The following SGCE variants were observed in gnomAD, a reference collection of about 807,000 sequenced individuals.
The protein encoded by SGCE is epsilon-sarcoglycan.
Under a neutral mutation model 57.8 loss-of-function variants are expected in SGCE, and 26 were observed. The ratio of observed to expected loss-of-function variants is 0.45; its 90% CI spans 0.33 to 0.62. The LOEUF (loss-of-function observed/expected upper bound fraction) is 0.62, where lower values mean the gene tolerates loss of function less well. SGCE is among the 20% of genes least tolerant of loss of function. SGCE has a pLI of 0.02. For synonymous variants in SGCE, 183 were observed against 189.5 expected (o/e 0.97, Z 0.28); for missense variants, 468 against 548.6 (o/e 0.85, Z 1.47).
intron 1 of SGCE, among the ~76,000 whole-genome samples, chr7:94,654,355 T>C (rs2117121711): frequency 6.6e-6 from 1 of 152,338 alleles, no homozygotes; most frequent in East Asian, 1.9e-4. Flanking sequence ...AAATCTCAAT[T>C]TTTAGAAAAA....
chr7:94,594,620 A>G (rs2116629800), intron 9 of SGCE: 1 of 152,258 alleles, frequency 6.6e-6, no homozygotes, highest in Admixed American at 6.5e-5. Context: ...GTAACAGTAA[A>G]GTACCGAAAC....
At chr7:94,614,107 C>CAAAAAAAAAAAAAAAAAAAAAAAAAAAA (rs925650428) in intron 5 of SGCE, among the ~76,000 whole-genome samples, 1 of 94,964 alleles carries the variant, frequency 1.1e-5, no homozygotes, top group Non-Finnish European at 2.0e-5. Context: ...AAATTGAAAT[C>CAAAAAAAAAAAAAAAAAAAAAAAAAAAA]AAAAAAAAAA....
chr7:94,643,049 G>A (rs1292753353), intron 1 of SGCE, among the ~76,000 whole-genome samples: 3 of 152,226 alleles, frequency 2.0e-5, no homozygotes, highest in Non-Finnish European at 4.4e-5. Flanking sequence ...TGGGGTGAGT[G>A]CCCAGGCAGC....
intron 3 of SGCE, chr7:94,625,348 A>G (rs1183319776): frequency 6.6e-6 from 1 of 152,046 alleles, no homozygotes; most frequent in Non-Finnish European, 1.5e-5. Flanking sequence ...TATGAAAGAT[A>G]TGGTAAACTT....
chr7:94,633,316 C>T (rs976616985), intron 1 of SGCE, among the ~76,000 whole-genome samples: 1 of 152,024 alleles, frequency 6.6e-6, no homozygotes, highest in Non-Finnish European at 1.5e-5. Context: ...GCAAGCATAG[C>T]TAGATTTACA....
At chr7:94,618,314 A>G (rs960590892) in intron 5 of SGCE, 2 of 164,406 alleles carry the variant, frequency 1.2e-5, no homozygotes, top group African/African-American at 4.8e-5. Flanking sequence ...TGTCACAGGA[A>G]TGGGTTTCAA....
chr7:94,597,850 T>C (rs1798630418), intron 9 of SGCE: 1 of 151,830 alleles, frequency 6.6e-6, no homozygotes, highest in Non-Finnish European at 1.5e-5. Flanking sequence ...CTACTAAAAA[T>C]ACAAAAATTA....
At chr7:94,619,328 G>A (rs770453322) in intron 4 of SGCE, 13 of 175,084 alleles carry the variant, frequency 7.4e-5, no homozygotes, top group Non-Finnish European at 1.6e-4. Context: ...TCAATTATAT[G>A]TCCAAAAGGA....
intron 1 of SGCE, among the ~76,000 whole-genome samples, chr7:94,648,712 C>T (rs1807466701): frequency 6.6e-6 from 1 of 152,108 alleles, no homozygotes; most frequent in Non-Finnish European, 1.5e-5. Flanking sequence ...AGAGAAAAGC[C>T]AATGTCATTT....
intron 1 of SGCE, chr7:94,644,624 A>G (rs1393119422): frequency 3.6e-5 from 46 of 1,284,748 alleles, no homozygotes; most frequent in East Asian, 5.6e-5. Flanking sequence ...CAAACTGTCA[A>G]GTCTTTCTCT....
chr7:94,586,914 CACTA>C lies in SGCE; in HGVS notation c.1298-1403_1298-1400del, dbSNP rs570295132. The C allele has an allele frequency of 1.7e-5, 17 of 984,232 alleles. No homozygotes were observed. In the South Asian group the frequency reaches 7.5e-4, roughly 44 times the overall value. 61.0% of individuals were successfully genotyped at this position (984,232 alleles called of 1,614,324 possible). A position where few individuals can be genotyped will look rare whatever the true frequency, so the allele number is the denominator to read the frequency against. Reference sequence around the variant, plus strand: ...TGGCACTTAAGATATTTTGGGGACTCACTAAATAAAACAATAACAACAAAACAAC... The same window carrying C: ...TGGCACTTAAGATATTTTGGGGACTCAATAAAACAATAACAACAAAACAAC... On this transcript the variant is annotated intron_variant, in intron 10 of 10. Transcript: ENST00000648936.
chr7:94,615,248 A>G (rs1454933357), intron 5 of SGCE, among the ~76,000 whole-genome samples: 5 of 152,126 alleles, frequency 3.3e-5, no homozygotes, highest in Non-Finnish European at 1.5e-5. Flanking sequence ...AATCTCAGCT[A>G]ATCAGGAGGT....
At chr7:94,651,227 T>C (rs1175551219) in intron 1 of SGCE, among the ~76,000 whole-genome samples, 1 of 152,224 alleles carries the variant, frequency 6.6e-6, no homozygotes, top group Non-Finnish European at 1.5e-5. Flanking sequence ...TTTTTTTGCT[T>C]TCAGCACAGC....
chr7:94,588,516 T>G, intron 10 of SGCE, 173 bp downstream of exon 10: 2 of 1,437,442 alleles, frequency 1.4e-6, no homozygotes, highest in Non-Finnish European at 1.8e-6. Flanking sequence ...CTGATGCCAA[T>G]CTATGTAATA....
chr7:94,650,664 A>C (rs1807755915), intron 1 of SGCE, among the ~76,000 whole-genome samples: 1 of 152,240 alleles, frequency 6.6e-6, no homozygotes, highest in Non-Finnish European at 1.5e-5. Flanking sequence ...CAAGGTCTTC[A>C]AGTTAAATAT....
intron 8 of SGCE, chr7:94,599,446 A>G: frequency 2.1e-6 from 1 of 486,518 alleles, no homozygotes; most frequent in Admixed American, 3.6e-5. Flanking sequence ...TATAAATGGT[A>G]AGTTAATATT....
intron 5 of SGCE, among the ~76,000 whole-genome samples, chr7:94,610,432 T>TG (rs945029277): frequency 1.3e-3 from 202 of 152,282 alleles, no homozygotes; most frequent in African/African-American, 4.5e-3. Context: ...ATGTTGATAA[T>TG]GGGGGAGGCG....
At chr7:94,594,137 C>A (rs1467346153) in intron 9 of SGCE, among the ~76,000 whole-genome samples, 2 of 151,970 alleles carry the variant, frequency 1.3e-5, no homozygotes, top group Non-Finnish European at 2.9e-5. Context: ...TTAGAAAGGG[C>A]AATCATTGAG....
intron 4 of SGCE, chr7:94,619,870 C>T (rs891541477): frequency 4.6e-5 from 7 of 152,074 alleles, no homozygotes; most frequent in Non-Finnish European, 1.0e-4. Flanking sequence ...CCTTGTACGA[C>T]TTTTATCTAT....
Sources: gnomAD v4.1 joint callset for allele counts (sites outside exome capture counted in the v4.1 genomes callset) on GRCh38, gnomAD v4.1.1 for gene constraint, MANE v1.5 for transcripts, NCBI Gene and HGNC (gene_info 2026-07-23, HGNC 2026-07-21) for gene names.